MYT1L: variants seen among roughly 807,000 people sequenced by gnomAD.
MYT1L encodes the protein myelin transcription factor 1 like, also known as myelin transcription factor 1-like protein.
MYT1L carries 12 observed loss-of-function variants against 126.7 expected under a neutral mutation model. The ratio of observed to expected loss-of-function variants is 0.09; its 90% CI spans 0.06 to 0.15. MYT1L has a LOEUF of 0.15. Ranked by LOEUF, MYT1L falls within the 10% of genes least tolerant of loss-of-function variation. The pLI, the probability that MYT1L is intolerant of heterozygous loss-of-function variation, is 1.00. For synonymous variants in MYT1L, 541 were observed against 604.2 expected, an observed-to-expected ratio of 0.90 and a Z score of 1.53; for missense variants, 979 against 1,585.2, an observed-to-expected ratio of 0.62 and a Z score of 6.49.
At chr2:1,996,966 A>G (rs1391615839) in intron 5 of MYT1L, among the ~76,000 whole-genome samples, 6 of 141,450 alleles carry the variant, frequency 4.2e-5, no homozygotes, top group East Asian at 2.2e-4. Flanking sequence ...GCTGCACAGA[A>G]CCGAGTGTAG....
At chr2:2,318,237 G>A (rs935802148) in intron 1 of MYT1L, among the ~76,000 whole-genome samples, 2 of 152,228 alleles carry the variant, frequency 1.3e-5, no homozygotes, top group South Asian at 4.1e-4. Flanking sequence ...TTACCATTTG[G>A]AATATGTATC....
intron 2 of MYT1L, among the ~76,000 whole-genome samples, chr2:2,183,937 AAGG>A (rs2091830015): frequency 6.8e-6 from 1 of 148,122 alleles, no homozygotes; most frequent in African/African-American, 2.5e-5. Flanking sequence ...AGGAAGAAAA[AAGG>A]AAGGAAGGAA....
chr2:2,174,550 C>G (rs1367779681), intron 2 of MYT1L, among the ~76,000 whole-genome samples: 1 of 152,144 alleles, frequency 6.6e-6, no homozygotes, highest in East Asian at 1.9e-4. Flanking sequence ...ACAGACGTGA[C>G]AGCGCATGTG....
rs2074574523 is a variant in MYT1L at position 2,071,362 on chromosome 2, T to C, written c.-303-17239A>G. ...TGGTCAGATATCCACCAAATATTTG[T>C]GTGTTCTACTACGAGCTCAGCACAG... On this transcript the variant is annotated intron_variant, in intron 3 of 24. Coordinates refer to ENST00000647738, the MANE Select transcript of MYT1L (RefSeq NM_001303052.2). Among the ~76,000 whole-genome samples, 4 of 152,208 alleles carry C rather than the reference T, an allele frequency of 2.6e-5. No homozygotes were observed. In the South Asian group the frequency reaches 8.3e-4, roughly 32 times the overall value.
At chr2:1,792,127 C>T (rs1384607589) in intron 24 of MYT1L, 120 bp from the exon 25 acceptor site, 5 of 1,181,630 alleles carry the variant, frequency 4.2e-6, no homozygotes, top group Non-Finnish European at 3.5e-6. Context: ...CAAAGGCCGG[C>T]TCAGAGCACA....
intron 2 of MYT1L, among the ~76,000 whole-genome samples, chr2:2,266,895 C>T (rs1396050100): frequency 1.3e-5 from 2 of 152,232 alleles, no homozygotes; most frequent in African/African-American, 2.4e-5. Context: ...ATTGTGAGGC[C>T]TCCCACGTGG....
chr2:2,204,569 C>G (rs1000678679), intron 2 of MYT1L, among the ~76,000 whole-genome samples: 4 of 141,940 alleles, frequency 2.8e-5, no homozygotes, highest in Non-Finnish European at 3.0e-5. Flanking sequence ...GAGATACCAT[C>G]TCCCACCAGT....
intron 8 of MYT1L, among the ~76,000 whole-genome samples, chr2:1,952,716 CTCCTTCCT>C (rs1427622269): frequency 3.0e-4 from 7 of 23,200 alleles, no homozygotes; most frequent in African/African-American, 6.1e-4. Flanking sequence ...CTTCCCTTCC[CTCCTTCCT>C]TCCCTTCCCT....
intron 2 of MYT1L, among the ~76,000 whole-genome samples, chr2:2,276,476 G>T (rs891183265): frequency 1.3e-5 from 2 of 152,254 alleles, no homozygotes; most frequent in African/African-American, 2.4e-5. Flanking sequence ...CAAAGAAATG[G>T]TTTCAGGAAT....
chr2:2,080,657 T>C (rs2075720816), intron 3 of MYT1L, among the ~76,000 whole-genome samples: 1 of 152,044 alleles, frequency 6.6e-6, no homozygotes, highest in Admixed American at 6.5e-5. Flanking sequence ...CTAGGGTGGC[T>C]ATTGCAAAAA....
intron 4 of MYT1L, among the ~76,000 whole-genome samples, chr2:2,024,030 T>C (rs1290767661): frequency 6.6e-6 from 1 of 152,200 alleles, no homozygotes; most frequent in Non-Finnish European, 1.5e-5. Flanking sequence ...CGAGAAGATA[T>C]TTTACGTTGA....
rs867873632 is a variant in MYT1L, at chr2:2,224,863, G to C, written c.-420-51875C>G. On this transcript the variant is annotated intron_variant, in intron 2 of 24. Transcript: ENST00000647738. The surrounding 1 kb of genome is among the most constrained non-coding windows in gnomAD (Gnocchi z 4.0). The stretch of plus-strand genomic sequence containing the variant: ...GAAAATAAATGTTTCAAATCCTTGA[G>C]AAAGGTCTTAACCAGGGCTAGCCTT... Among the ~76,000 whole-genome samples, 1 of 151,944 alleles carries C rather than the reference G, an allele frequency of 6.6e-6. No homozygotes were observed. Among genetic ancestry groups the C allele is most frequent in the East Asian group, 1.9e-4 (1 of 5,130 alleles).
chr2:2,094,792 G>A (rs1558991480), intron 3 of MYT1L, among the ~76,000 whole-genome samples: 2 of 150,484 alleles, frequency 1.3e-5, no homozygotes. Flanking sequence ...GGAGGGGGGA[G>A]CGATAGCATT....
At chr2:1,816,943 C>A (rs1249368185) in intron 21 of MYT1L, 1 of 152,216 alleles carries the variant, frequency 6.6e-6, no homozygotes, top group Admixed American at 6.5e-5. Context: ...ACCCAGGGGT[C>A]CCTGCAGACG....
intron 4 of MYT1L, among the ~76,000 whole-genome samples, chr2:2,004,432 TGCGTTCTTTCCTGCAG>T (rs1558699802): frequency 5.3e-5 from 7 of 132,352 alleles, no homozygotes; most frequent in Non-Finnish European, 9.5e-5. Context: ...CTTTCCTGCA[TGCGTTCTTTCCTGCAG>T]GCGTTCTTTC....
intron 3 of MYT1L, among the ~76,000 whole-genome samples, chr2:2,154,561 G>A (rs1157319789): frequency 2.0e-5 from 3 of 152,160 alleles, no homozygotes; most frequent in Non-Finnish European, 4.4e-5. Context: ...CATTATCCTA[G>A]CAAACTAATG....
chr2:1,971,607 T>C (rs2059813280), intron 8 of MYT1L, among the ~76,000 whole-genome samples: 1 of 152,150 alleles, frequency 6.6e-6, no homozygotes, highest in South Asian at 2.1e-4. Context: ...GGCATGCACC[T>C]GTAGTCCCAG....
chr2:2,229,920 T>G (rs2094121233), intron 2 of MYT1L, among the ~76,000 whole-genome samples: 1 of 152,264 alleles, frequency 6.6e-6, no homozygotes, highest in Admixed American at 6.5e-5. Flanking sequence ...TTATAAATCC[T>G]TCCGGTGAAA....
At chr2:2,260,380 T>C (rs922418055) in intron 2 of MYT1L, among the ~76,000 whole-genome samples, 1 of 152,220 alleles carries the variant, frequency 6.6e-6, no homozygotes, top group African/African-American at 2.4e-5. Context: ...ATACAACAAC[T>C]CTAAGAATTT....
Sources: allele counts gnomAD v4.1 joint callset (sites outside exome capture counted in the v4.1 genomes callset), GRCh38; gene constraint gnomAD v4.1.1; non-coding constraint Gnocchi (gnomAD v3.1); transcripts MANE v1.5; gene names NCBI Gene and HGNC (gene_info 2026-07-23, HGNC 2026-07-21).